Variants in ANO2 observed in about 807,000 individuals in gnomAD.
ANO2 encodes anoctamin-2.
ANO2 carries 101 observed loss-of-function variants against 124.2 expected under a neutral mutation model. That is an observed-to-expected ratio of 0.81 (90% CI 0.69 to 0.96). The LOEUF (loss-of-function observed/expected upper bound fraction) is 0.96. Among genes scored for constraint, ANO2 ranks in the 40% least tolerant of loss-of-function variants. The probability of loss-of-function intolerance (pLI) is 0.00; values close to 1 mark genes in which losing one functional copy is unlikely to be tolerated. For synonymous variants in ANO2, 486 were observed against 482.5 expected, an observed-to-expected ratio of 1.01 and a Z score of -0.09; for missense variants, 1,293 against 1,274.5, an observed-to-expected ratio of 1.01 and a Z score of -0.22.
chr12:5,700,702 AAAG>A (rs1949367745), intron 14 of ANO2, among the ~76,000 whole-genome samples: 2 of 152,192 alleles, frequency 1.3e-5, no homozygotes, highest in African/African-American at 4.8e-5. Context: ...CAAGACTAAT[AAAG>A]AAGAAAAGAG....
Position 5,904,178 on chromosome 12 carries a change from A to G in ANO2, c.534+16862T>C, listed in dbSNP as rs1940516653. On this transcript the variant is annotated intron_variant, in intron 3 of 24. Transcript: ENST00000682330. This position sits in a 1 kb window ranked among gnomAD's most constrained non-coding sequence, Gnocchi z 4.1. Reference sequence around the variant, plus strand: ...CCTGGCTGCTGCAGCATTAGTCTCCAATGTAAGCAGCTTATGGAAGCTGTA... The same window carrying G: ...CCTGGCTGCTGCAGCATTAGTCTCCGATGTAAGCAGCTTATGGAAGCTGTA... Among the ~76,000 whole-genome samples the G allele has an allele frequency of 6.6e-6, 1 of 152,096 alleles. No homozygotes were observed. Among genetic ancestry groups the G allele is most frequent in the Non-Finnish European group, 1.5e-5 (1 of 68,004 alleles).
At chr12:5,586,944 T>C (rs756847051) in intron 20 of ANO2, among the ~76,000 whole-genome samples, 1 of 152,208 alleles carries the variant, frequency 6.6e-6, no homozygotes, top group Non-Finnish European at 1.5e-5. Flanking sequence ...CCCTAATTAC[T>C]AGCACTTCAA....
At chr12:5,791,841 G>A (rs1952707164) in intron 10 of ANO2, among the ~76,000 whole-genome samples, 1 of 152,142 alleles carries the variant, frequency 6.6e-6, no homozygotes, top group Admixed American at 6.5e-5. Flanking sequence ...AAGCTCTTAA[G>A]CTAAGGAACC....
intron 24 of ANO2, among the ~76,000 whole-genome samples, chr12:5,565,141 G>C (rs1284441149): frequency 2.6e-5 from 4 of 152,158 alleles, no homozygotes; most frequent in African/African-American, 9.7e-5. Context: ...AACAAAGGAG[G>C]GAGCCCAGAG....
intron 3 of ANO2, among the ~76,000 whole-genome samples, chr12:5,870,750 G>A (rs1480362580): frequency 6.6e-6 from 1 of 152,164 alleles, no homozygotes; most frequent in Non-Finnish European, 1.5e-5. Context: ...CTCAGGATGA[G>A]GTACCTCCCT....
chr12:5,662,382 G>GA lies in ANO2; in HGVS notation c.1546-14582dup, dbSNP rs764358898. Among the ~76,000 whole-genome samples the GA allele has an allele frequency of 2.1e-3, 315 of 149,028 alleles. 2 individuals carry two copies. Among genetic ancestry groups the GA allele is most frequent in the South Asian group, 7.0e-3 (33 of 4,734 alleles). ...GCAGAGGTGCCAGGCTTCTTAGTGT[G>GA]AAAAAAAAAATGACATTTTGAAATG... On this transcript the variant is annotated intron_variant, in intron 14 of 24. Coordinates refer to ENST00000682330, the MANE Select transcript of ANO2 (RefSeq NM_001364791.2).
chr12:5,717,949 G>A (rs966833982), intron 14 of ANO2, among the ~76,000 whole-genome samples: 8 of 152,138 alleles, frequency 5.3e-5, no homozygotes, highest in Non-Finnish European at 1.2e-4. Context: ...AAAGAAGAGC[G>A]GACCACATGG....
intron 14 of ANO2, among the ~76,000 whole-genome samples, chr12:5,651,047 G>A (rs775459077): frequency 6.6e-6 from 1 of 152,238 alleles, no homozygotes; most frequent in African/African-American, 2.4e-5. Context: ...ATGCATATGA[G>A]AGAGCTTTGT....
At chr12:5,722,661 T>A (rs141222679) in intron 14 of ANO2, among the ~76,000 whole-genome samples, 1 of 152,320 alleles carries the variant, frequency 6.6e-6, no homozygotes, top group East Asian at 1.9e-4. Context: ...TATGGCACCC[T>A]GGGGTGTCTC....
At chr12:5,584,852 T>C (rs1383794926) in intron 20 of ANO2, among the ~76,000 whole-genome samples, 2 of 152,136 alleles carry the variant, frequency 1.3e-5, no homozygotes, top group Non-Finnish European at 2.9e-5. Flanking sequence ...ATAAGAGAGT[T>C]CTCAACGTCC....
intron 4 of ANO2, among the ~76,000 whole-genome samples, chr12:5,838,486 CA>C (rs1183369972): frequency 6.6e-6 from 1 of 152,180 alleles, no homozygotes; most frequent in Non-Finnish European, 1.5e-5. Flanking sequence ...CACAATAAAA[CA>C]CACATAGGTC....
intron 19 of ANO2, among the ~76,000 whole-genome samples, chr12:5,610,684 C>T (rs1322154171): frequency 1.6e-5 from 2 of 123,062 alleles, no homozygotes; most frequent in Non-Finnish European, 3.4e-5. Flanking sequence ...ATGTCAGGAA[C>T]CTGGCAAGGG....
At chr12:5,619,345 G>A (rs533840018) in intron 16 of ANO2, among the ~76,000 whole-genome samples, 15 of 152,328 alleles carry the variant, frequency 9.8e-5, no homozygotes, top group African/African-American at 3.1e-4. Context: ...AGGTAGACAC[G>A]TACAGATTTT....
intron 14 of ANO2, among the ~76,000 whole-genome samples, chr12:5,662,083 T>C (rs991036681): frequency 1.3e-5 from 2 of 152,222 alleles, no homozygotes; most frequent in African/African-American, 4.8e-5. Context: ...TGACACTCAG[T>C]CCAGGGATGA....
At chr12:5,565,086 C>G (rs1313090687) in intron 24 of ANO2, among the ~76,000 whole-genome samples, 1 of 152,042 alleles carries the variant, frequency 6.6e-6, no homozygotes, top group Non-Finnish European at 1.5e-5. Context: ...CTCGATGGCT[C>G]TGGGGGCCCT....
Position 5,697,515 on chromosome 12 carries a change from C to G in ANO2, c.1545+35005G>C, listed in dbSNP as rs143402006. 1.6e-3 allele frequency among the ~76,000 whole-genome samples: 247 copies of G among 152,294 alleles called. 1 individual carries two copies. The highest frequency in any genetic ancestry group is 5.9e-3 in the African/African-American group (245 of 41,566). On this transcript the variant is annotated intron_variant, in intron 14 of 24. Coordinates refer to ENST00000682330, the MANE Select transcript of ANO2 (RefSeq NM_001364791.2). ...GAATAGGAACAGCTCCAGTCTACAG[C>G]TCCCAGCATGAGCGATGCAGAAGAC...
rs57443240 is a variant in ANO2 at position 5,818,447 on chromosome 12, T to TTA, written c.892+9320_892+9321dup. Reference sequence around the variant, plus strand: ...TGAGTTAATACTTAATAAACTCATATTATATATATATATATATATATATAT... The same window carrying TTA: ...TGAGTTAATACTTAATAAACTCATATTATATATATATATATATATATATATAT... On this transcript the variant is annotated intron_variant, in intron 7 of 24. Coordinates refer to ENST00000682330, the MANE Select transcript of ANO2 (RefSeq NM_001364791.2). Among the ~76,000 whole-genome samples the TTA allele has an allele frequency of 6.8e-3, 562 of 82,622 alleles. 5 individuals are homozygous for TTA. The highest frequency in any genetic ancestry group is 0.011 in the African/African-American group (275 of 25,054). 54.2% of individuals were successfully genotyped at this position (82,622 alleles called of 152,430 possible).
chr12:5,891,636 T>G (rs1041198808), intron 3 of ANO2, among the ~76,000 whole-genome samples: 2 of 152,222 alleles, frequency 1.3e-5, no homozygotes, highest in Admixed American at 1.3e-4. Flanking sequence ...TAGCACACTA[T>G]ATACCCTAAG....
chr12:5,761,471 A>G (rs1951744177), intron 10 of ANO2, among the ~76,000 whole-genome samples: 1 of 152,198 alleles, frequency 6.6e-6, no homozygotes, highest in South Asian at 2.1e-4. Context: ...ACCTTAACTT[A>G]TCCCATGTGC....
Sources: gnomAD v4.1 joint callset for allele counts (sites outside exome capture counted in the v4.1 genomes callset) on GRCh38, gnomAD v4.1.1 for gene constraint, Gnocchi (gnomAD v3.1) non-coding constraint, MANE v1.5 for transcripts, NCBI Gene and HGNC (gene_info 2026-07-23, HGNC 2026-07-21) for gene names.